The following ABHD4 variants were observed in gnomAD, a reference collection of about 807,000 sequenced individuals.
ABHD4 encodes the protein (Lyso)-N-acylphosphatidylethanolamine lipase.
A neutral mutation model predicts 42.3 loss-of-function variants in ABHD4; 35 were observed. That is an observed-to-expected ratio of 0.83 (90% CI 0.63 to 1.10). The LOEUF (loss-of-function observed/expected upper bound fraction) is 1.10, where lower values mean the gene tolerates loss of function less well. ABHD4 is among the 50% of genes least tolerant of loss of function. The pLI is 0.00. For synonymous variants in ABHD4, 169 were observed against 170.6 expected (o/e 0.99, Z 0.07); for missense variants, 389 against 454.8 (o/e 0.86, Z 1.32).
intron 4 of ABHD4, among the ~76,000 whole-genome samples, chr14:22,604,646 A>G (rs1242921): frequency 0.19 from 28,716 of 149,122 alleles, 2,914 homozygotes; most frequent in Middle Eastern, 0.22. Context: ...GTCTCACTCT[A>G]TCTCCCAGGC....
At chr14:22,602,939 T>C (rs1055873934) in intron 2 of ABHD4, among the ~76,000 whole-genome samples, 1 of 152,036 alleles carries the variant, frequency 6.6e-6, no homozygotes, top group Non-Finnish European at 1.5e-5. Context: ...GGTCAGTGGA[T>C]AGAAAATTGC....
intron 5 of ABHD4, among the ~76,000 whole-genome samples, chr14:22,608,467 G>T (rs558639829): frequency 1.3e-5 from 2 of 152,330 alleles, no homozygotes; most frequent in Non-Finnish European, 2.9e-5. Context: ...GGCATTTGTT[G>T]TTTCTTGCTT....
intron 4 of ABHD4, 73 bp downstream of exon 4, chr14:22,604,152 A>G: frequency 6.5e-7 from 1 of 1,533,636 alleles, no homozygotes; most frequent in Non-Finnish European, 8.9e-7. Context: ...TTTCCCACTT[A>G]TTCCTAAAAA....
rs1455796044 is a variant in ABHD4 at position 22,598,317 on chromosome 14, A to G, written c.11A>G (p.Asp4Gly). 1.3e-6 allele frequency: 2 copies of G among 1,551,690 alleles called. No individual in the cohort carries two copies. The highest frequency in any genetic ancestry group is 2.0e-5 in the Admixed American group (1 of 51,016). Residue 4 changes from aspartate (D) to glycine (G), a missense_variant, in exon 1 of 7, where the codon GAT becomes GGT. Asp to Gly is a moderately conservative substitution (Grantham distance 94). This residue lies in a region of ABHD4 where 102 missense variants were observed against 128.3 expected (regional missense o/e 0.80). Coordinates refer to ENST00000428304, the MANE Select transcript of ABHD4 (RefSeq NM_022060.3). MADDLEQQSQGWLS... is the reference protein window; with the variant it reads MADGLEQQSQGWLS... ...CAAGGCTTGTTTACTATGGCCGATG[A>G]TCTGGAGCAGCAGTGAGTTAATCCT...
chr14:22,600,831 GGTGTGTGT>G (rs35284182), intron 1 of ABHD4, among the ~76,000 whole-genome samples: 29 of 65,226 alleles, frequency 4.4e-4, no homozygotes, highest in Admixed American at 5.8e-4. Context: ...CCAGCAGGGG[GGTGTGTGT>G]GTGTGTGTGT....
chr14:22,607,209 G>C (rs565679294), intron 5 of ABHD4, among the ~76,000 whole-genome samples: 1 of 152,262 alleles, frequency 6.6e-6, no homozygotes, highest in East Asian at 1.9e-4. Context: ...ACTTTGAAAA[G>C]TTCCTATCTG....
intron 6 of ABHD4, among the ~76,000 whole-genome samples, chr14:22,610,151 G>T (rs990297548): frequency 4.6e-5 from 7 of 151,918 alleles, no homozygotes; most frequent in African/African-American, 1.7e-4. Context: ...TCCGCCTCCC[G>T]GGTTCAAGCG....
At chr14:22,607,953 T>C (rs2037367728) in intron 5 of ABHD4, among the ~76,000 whole-genome samples, 1 of 152,240 alleles carries the variant, frequency 6.6e-6, no homozygotes, top group South Asian at 2.1e-4. Context: ...TATCATTTCC[T>C]TGGAAAACAT....
At chr14:22,604,161 A>G in intron 4 of ABHD4, 82 bp downstream of exon 4, 1 of 1,512,388 alleles carries the variant, frequency 6.6e-7, no homozygotes, top group Non-Finnish European at 9.1e-7. Context: ...TATTCCTAAA[A>G]AGTGGAAATT....
At chr14:22,603,798 T>C (rs766039242) in intron 3 of ABHD4, 36 bp downstream of exon 3, 16 of 1,566,902 alleles carry the variant, frequency 1.0e-5, no homozygotes, top group Non-Finnish European at 1.3e-5. Context: ...CGTGACCTAA[T>C]TCCTGGCCTT....
chr14:22,598,547 C>A, intron 1 of ABHD4: 1 of 1,374,610 alleles, frequency 7.3e-7, no homozygotes, highest in Non-Finnish European at 1.0e-6. Flanking sequence ...CGCTCGCCCG[C>A]AGCCCGGGGA....
At chr14:22,603,842 C>A in intron 3 of ABHD4, 80 bp downstream of exon 3, 1 of 1,584,932 alleles carries the variant, frequency 6.3e-7, no homozygotes, top group Middle Eastern at 1.7e-4. Context: ...TTCCAAACTT[C>A]TCTCATTCCC....
In ABHD4 at chr14:22,612,562, TGAG is replaced by T. The variant is rs2037427038; in HGVS notation, c.*1618_*1620del. ...CTCTCAGCCAACCACTCATGACAAA[TGAG>T]GAGTCGAGATCCACAGTGTGGATGG... is the stretch of plus-strand genomic sequence containing the variant. On this transcript the variant is annotated 3_prime_UTR_variant, in exon 7 of 7. Transcript: ENST00000428304. The T allele has an allele frequency of 6.6e-6, 1 of 152,188 alleles. No individual in the cohort carries two copies. The highest frequency in any genetic ancestry group is 2.4e-5 in the African/African-American group (1 of 41,420). The allele number at this position is 152,188 out of a possible 1,614,324, so 9.4% of individuals were successfully genotyped here. A position where few individuals can be genotyped will look rare whatever the true frequency, so the allele number is the denominator to read the frequency against.
At chr14:22,598,623 A>C (rs2037245899) in intron 1 of ABHD4, 4 of 667,020 alleles carry the variant, frequency 6.0e-6, no homozygotes, top group Non-Finnish European at 9.8e-6. Flanking sequence ...GAGAGATTCC[A>C]TGTTGATGTG....
intron 5 of ABHD4, among the ~76,000 whole-genome samples, chr14:22,607,656 C>T (rs1019558388): frequency 7.2e-5 from 11 of 152,348 alleles, no homozygotes; most frequent in African/African-American, 2.6e-4. Context: ...GCCGTTGGCC[C>T]TTCTCTCAGC....
At position 22,606,086 on chromosome 14, in the gene ABHD4, A is replaced by G. The variant is rs529274297; in HGVS notation, c.641-336A>G. On this transcript the variant is annotated intron_variant, in intron 4 of 6. Coordinates refer to ENST00000428304, the MANE Select transcript of ABHD4 (RefSeq NM_022060.3). ...GAGAACATAGCTCAGGCTATAAGAG[A>G]AGAGCATCTCAGCCATGGATTCTGA... Among the ~76,000 whole-genome samples the G allele has an allele frequency of 1.3e-4, 20 of 152,296 alleles. No individual in the cohort carries two copies. In the South Asian group the frequency reaches 3.9e-3, roughly 30 times the overall value.
chr14:22,611,100 A>G lies in ABHD4; in HGVS notation c.*152A>G, dbSNP rs1477476576. The G allele has an allele frequency of 1.0e-5, 7 of 694,612 alleles. No individual in the cohort carries two copies. The highest frequency in any genetic ancestry group is 1.8e-5 in the Non-Finnish European group (7 of 396,514). The allele number at this position is 694,612 out of a possible 1,614,324, so 43.0% of individuals were successfully genotyped here. A position where few individuals can be genotyped will look rare whatever the true frequency, so the allele number is the denominator to read the frequency against. ...CCCAGAACAGGACGACAGTGAAAAG[A>G]ACACTCTTGACCCTACACTGAAGGC... On this transcript the variant is annotated 3_prime_UTR_variant, in exon 7 of 7. Coordinates refer to ENST00000428304, the MANE Select transcript of ABHD4 (RefSeq NM_022060.3).
At chr14:22,604,391 C>G (rs889129858) in intron 4 of ABHD4, 6 of 244,256 alleles carry the variant, frequency 2.5e-5, no homozygotes, top group Non-Finnish European at 4.1e-5. Context: ...ACTGGGACTA[C>G]AGGCACCTGC....
At chr14:22,601,808 T>C (rs2037289170) in intron 2 of ABHD4, 53 bp downstream of exon 2, 3 of 1,517,268 alleles carry the variant, frequency 2.0e-6, no homozygotes, top group Non-Finnish European at 2.7e-6. Flanking sequence ...CAAGAAGGAT[T>C]CAGGATCTTC....
Sources: gnomAD v4.1 joint callset for allele counts (sites outside exome capture counted in the v4.1 genomes callset) on GRCh38, gnomAD v4.1.1 for gene constraint, gnomAD v4.1.1 regional missense constraint, MANE v1.5 for transcripts, NCBI Gene and HGNC (gene_info 2026-07-23, HGNC 2026-07-21) for gene names.